LRRTM4: variants seen among roughly 807,000 people sequenced by gnomAD.
LRRTM4 encodes the protein leucine rich repeat transmembrane neuronal 4.
LRRTM4 carries 25 observed loss-of-function variants against 47.6 expected under a neutral mutation model. The observed-to-expected ratio is 0.53, with a 90% CI of 0.38 to 0.73. The LOEUF is 0.73. Among genes scored for constraint, LRRTM4 ranks in the 30% least tolerant of loss-of-function variants. The probability of loss-of-function intolerance (pLI) is 0.00; values close to 1 mark genes in which losing one functional copy is unlikely to be tolerated. For synonymous variants in LRRTM4, 311 were observed against 269.5 expected, an observed-to-expected ratio of 1.15 and a Z score of -1.51; for missense variants, 638 against 713.4, an observed-to-expected ratio of 0.89 and a Z score of 1.20.
intron 3 of LRRTM4, among the ~76,000 whole-genome samples, chr2:77,055,300 T>C (rs1052910618): frequency 2.6e-5 from 4 of 152,208 alleles, no homozygotes; most frequent in Non-Finnish European, 5.9e-5. Flanking sequence ...GGAAAGAACA[T>C]GCCCAACCTC....
At chr2:76,782,715 G>A (rs1216106781) in intron 3 of LRRTM4, among the ~76,000 whole-genome samples, 6 of 151,886 alleles carry the variant, frequency 4.0e-5, no homozygotes, top group East Asian at 1.9e-4. Context: ...TTTTCAAATC[G>A]TCACAAATCT....
intron 3 of LRRTM4, among the ~76,000 whole-genome samples, chr2:77,464,283 T>A (rs2103978234): frequency 6.6e-6 from 1 of 152,236 alleles, no homozygotes; most frequent in East Asian, 1.9e-4. Flanking sequence ...GACAATGAAA[T>A]CACTTTCTAT....
intron 3 of LRRTM4, among the ~76,000 whole-genome samples, chr2:76,780,954 C>G (rs957737465): frequency 4.6e-5 from 7 of 152,202 alleles, no homozygotes; most frequent in African/African-American, 1.7e-4. Context: ...GATGTCCTTT[C>G]TGTTTGTTAG....
At chr2:77,202,570 C>T (rs1157388326) in intron 3 of LRRTM4, among the ~76,000 whole-genome samples, 1 of 150,980 alleles carries the variant, frequency 6.6e-6, no homozygotes, top group Non-Finnish European at 1.5e-5. Context: ...TCCAGAAAGT[C>T]GAGCCTAAGA....
chr2:76,939,777 A>G (rs1675074376), intron 3 of LRRTM4, among the ~76,000 whole-genome samples: 1 of 152,230 alleles, frequency 6.6e-6, no homozygotes, highest in Admixed American at 6.5e-5. Flanking sequence ...ATTAATATTT[A>G]TGGGCATCTA....
chr2:77,059,741 G>C (rs1167528139), intron 3 of LRRTM4, among the ~76,000 whole-genome samples: 2 of 152,174 alleles, frequency 1.3e-5, no homozygotes, highest in Non-Finnish European at 2.9e-5. Context: ...ATCATTACTT[G>C]ACCACTTTTG....
chr2:77,253,439 AC>A, intron 3 of LRRTM4, among the ~76,000 whole-genome samples: 1 of 151,976 alleles, frequency 6.6e-6, no homozygotes, highest in Non-Finnish European at 1.5e-5. Flanking sequence ...AACTCTCCTA[AC>A]CTCTGTTGAA....
chr2:77,204,691 A>G (rs1674072109), intron 3 of LRRTM4, among the ~76,000 whole-genome samples: 1 of 152,158 alleles, frequency 6.6e-6, no homozygotes, highest in African/African-American at 2.4e-5. Context: ...CATTGTTAAA[A>G]AGTTTGATTG....
At chr2:76,751,613 T>C (rs997843542) in intron 3 of LRRTM4, among the ~76,000 whole-genome samples, 1 of 152,146 alleles carries the variant, frequency 6.6e-6, no homozygotes, top group African/African-American at 2.4e-5. Flanking sequence ...TGTTTTGTTT[T>C]GTTTTTATTA....
Position 77,194,861 on chromosome 2 carries a change from T to C in LRRTM4, c.1551+323457A>G, listed in dbSNP as rs572188137. Among the ~76,000 whole-genome samples the C allele has an allele frequency of 7.9e-5, 12 of 151,896 alleles. No homozygotes were observed. The South Asian group carries it at 2.5e-3, about 32-fold the overall frequency. On this transcript the variant is annotated intron_variant, in intron 3 of 3. Coordinates refer to ENST00000409884, the MANE Select transcript of LRRTM4 (RefSeq NM_001134745.3). Reference sequence around the variant, plus strand: ...TATCATATTTGGGTTTTCTTTCACTTACAGCTAAAGGTACTCACATCACAG... The same window carrying C: ...TATCATATTTGGGTTTTCTTTCACTCACAGCTAAAGGTACTCACATCACAG...
intron 3 of LRRTM4, among the ~76,000 whole-genome samples, chr2:77,165,487 AG>A (rs1672855139): frequency 6.6e-6 from 1 of 152,170 alleles, no homozygotes; most frequent in Admixed American, 6.5e-5. Context: ...CTGATACAAA[AG>A]CCTGGCAGAG....
At chr2:76,766,800 G>A (rs916001196) in intron 3 of LRRTM4, among the ~76,000 whole-genome samples, 3 of 152,084 alleles carry the variant, frequency 2.0e-5, no homozygotes, top group Non-Finnish European at 2.9e-5. Flanking sequence ...AGGTCTACTG[G>A]CATCTAGTGG....
At chr2:77,261,298 C>G (rs1216523862) in intron 3 of LRRTM4, among the ~76,000 whole-genome samples, 1 of 152,108 alleles carries the variant, frequency 6.6e-6, no homozygotes, top group African/African-American at 2.4e-5. Flanking sequence ...TTTCCCAGTC[C>G]TCTCACAGCT....
At chr2:77,416,174 G>GA (rs1156905246) in intron 3 of LRRTM4, among the ~76,000 whole-genome samples, 7 of 151,976 alleles carry the variant, frequency 4.6e-5, no homozygotes, top group Admixed American at 4.6e-4. Context: ...TTTAATATGG[G>GA]ATAGAATAAT....
intron 3 of LRRTM4, among the ~76,000 whole-genome samples, chr2:76,923,885 T>C (rs1374197711): frequency 6.6e-6 from 1 of 152,132 alleles, no homozygotes; most frequent in African/African-American, 2.4e-5. Flanking sequence ...GAGAATATCT[T>C]ATTGCCTTTT....
chr2:76,893,694 A>C (rs1673323410), intron 3 of LRRTM4, among the ~76,000 whole-genome samples: 1 of 151,814 alleles, frequency 6.6e-6, no homozygotes, highest in Non-Finnish European at 1.5e-5. Flanking sequence ...TTGCCTGGCA[A>C]GTTTGACCCA....
Position 77,204,681 on chromosome 2 carries a change from C to A in LRRTM4, c.1551+313637G>T, listed in dbSNP as rs568400019. Among the ~76,000 whole-genome samples the A allele has an allele frequency of 5.3e-4, 80 of 152,190 alleles. 2 individuals are homozygous for A. In the South Asian group the frequency reaches 0.016, roughly 31 times the overall value. On this transcript the variant is annotated intron_variant, in intron 3 of 3. Transcript: ENST00000409884. ...CCAAATCATAACACTTTCTGTGATT[C>A]ATTGTTAAAAAGTTTGATTGTGTGG...
intron 3 of LRRTM4, among the ~76,000 whole-genome samples, chr2:77,477,919 GAAA>G (rs1677488749): frequency 4.3e-5 from 3 of 70,576 alleles, no homozygotes; most frequent in African/African-American, 1.7e-4. Flanking sequence ...AAGAAAGAAA[GAAA>G]GAAAGAAAGA....
chr2:77,166,692 A>G lies in LRRTM4; in HGVS notation c.1551+351626T>C, dbSNP rs191024765. 2.9e-3 allele frequency among the ~76,000 whole-genome samples: 448 copies of G among 152,330 alleles called. 2 individuals are homozygous for G. Among genetic ancestry groups the G allele is most frequent in the Non-Finnish European group, 4.4e-3 (296 of 68,018 alleles). ...CTGATCTTTGACAAACCTGACAAAA[A>G]CAAGCAATGGGGAAATGATTCCCTA... On this transcript the variant is annotated intron_variant, in intron 3 of 3. Coordinates refer to ENST00000409884, the MANE Select transcript of LRRTM4 (RefSeq NM_001134745.3).
Sources: gnomAD v4.1 joint callset for allele counts (sites outside exome capture counted in the v4.1 genomes callset) on GRCh38, gnomAD v4.1.1 for gene constraint, MANE v1.5 for transcripts, NCBI Gene and HGNC (gene_info 2026-07-23, HGNC 2026-07-21) for gene names.